DNAH5: variants seen among roughly 807,000 people sequenced by gnomAD.
DNAH5 encodes axonemal beta dynein heavy chain 5.
DNAH5 carries 372 observed loss-of-function variants against 518.2 expected under a neutral mutation model. That is an observed-to-expected ratio of 0.72 (90% CI 0.66 to 0.78). The LOEUF (loss-of-function observed/expected upper bound fraction) is 0.78, where lower values mean the gene tolerates loss of function less well. DNAH5 is among the 30% of genes least tolerant of loss of function. The probability of loss-of-function intolerance (pLI) is 0.00; values close to 1 mark genes in which losing one functional copy is unlikely to be tolerated. For synonymous variants in DNAH5, 2,039 were observed against 2,025.9 expected, an observed-to-expected ratio of 1.01 and a Z score of -0.17; for missense variants, 5,523 against 5,687.0, an observed-to-expected ratio of 0.97 and a Z score of 0.93.
chr5:13,847,903 G>A (rs2151877787), intron 31 of DNAH5, among the ~76,000 whole-genome samples: 1 of 152,244 alleles, frequency 6.6e-6, no homozygotes, highest in East Asian at 1.9e-4. Flanking sequence ...AACTGAACCT[G>A]CATGATGTCT....
At chr5:13,823,942 T>C (rs1762559860) in intron 39 of DNAH5, among the ~76,000 whole-genome samples, 1 of 152,172 alleles carries the variant, frequency 6.6e-6, no homozygotes, top group African/African-American at 2.4e-5. Flanking sequence ...TGATTCAAGG[T>C]ATTTGGCATC....
At chr5:13,704,257 G>C (rs1010617318) in intron 76 of DNAH5, among the ~76,000 whole-genome samples, 18 of 152,106 alleles carry the variant, frequency 1.2e-4, no homozygotes, top group Admixed American at 7.2e-4. Flanking sequence ...TTATTACTGG[G>C]GGTAGCAGGG....
chr5:13,877,158 G>A (rs560233840), intron 21 of DNAH5, among the ~76,000 whole-genome samples: 7 of 152,232 alleles, frequency 4.6e-5, no homozygotes, highest in African/African-American at 1.7e-4. Context: ...TATAACTGGA[G>A]GAAAAAAACC....
upstream of DNAH5, among the ~76,000 whole-genome samples, chr5:13,949,194 A>C (rs1216134185): frequency 6.6e-6 from 1 of 152,226 alleles, no homozygotes. Flanking sequence ...TGACTAAGGA[A>C]ATGTAAATAA....
At chr5:13,719,699 T>C (rs1384142465) in intron 71 of DNAH5, among the ~76,000 whole-genome samples, 2 of 152,118 alleles carry the variant, frequency 1.3e-5, no homozygotes, top group African/African-American at 4.8e-5. Context: ...ATTGAGGGAA[T>C]AGGTACCACA....
At chr5:13,985,332 ACGAGTTAATGGG>A (rs1561045293) in intron 1 of DNAH5, among the ~76,000 whole-genome samples, 2 of 151,346 alleles carry the variant, frequency 1.3e-5, no homozygotes, top group African/African-American at 2.4e-5. Flanking sequence ...AATGTAAATG[ACGAGTTAATGGG>A]TGCAGCACAC....
At chr5:13,762,041 C>T (rs144021511) in intron 60 of DNAH5, among the ~76,000 whole-genome samples, 1 of 152,272 alleles carries the variant, frequency 6.6e-6, no homozygotes, top group Non-Finnish European at 1.5e-5. Context: ...TCAACCAAGC[C>T]ATGAGATATG....
At chr5:13,893,168 C>T (rs1773491972) in intron 16 of DNAH5, among the ~76,000 whole-genome samples, 1 of 152,066 alleles carries the variant, frequency 6.6e-6, no homozygotes, top group African/African-American at 2.4e-5. Flanking sequence ...AAGCTCTTGA[C>T]AATTTACATT....
chr5:13,906,049 G>A (rs1336738406), intron 12 of DNAH5, among the ~76,000 whole-genome samples: 2 of 152,158 alleles, frequency 1.3e-5, no homozygotes, highest in African/African-American at 2.4e-5. Context: ...GTATGCTTCC[G>A]ACTAGATGGA....
intron 40 of DNAH5, among the ~76,000 whole-genome samples, chr5:13,822,023 C>A (rs1762298727): frequency 1.3e-5 from 2 of 152,030 alleles, no homozygotes; most frequent in African/African-American, 4.8e-5. Context: ...CTCAAGTAAT[C>A]CCCCAACGTT....
chr5:13,843,092 C>G (rs932376202), intron 32 of DNAH5, among the ~76,000 whole-genome samples: 6 of 152,148 alleles, frequency 3.9e-5, no homozygotes, highest in Admixed American at 3.3e-4. Flanking sequence ...TTCTTTCAAC[C>G]CACACATCCC....
At chr5:13,953,560 C>A (rs1214664337) in intron 1 of DNAH5, among the ~76,000 whole-genome samples, 1 of 152,108 alleles carries the variant, frequency 6.6e-6, no homozygotes, top group South Asian at 2.1e-4. Context: ...ACATAAAGAA[C>A]AAGATAAGGC....
At chr5:13,870,620 AG>A (rs1769947323) in intron 24 of DNAH5, 146 bp downstream of exon 24, 1 of 779,062 alleles carries the variant, frequency 1.3e-6, no homozygotes, top group Non-Finnish European at 2.1e-6. Flanking sequence ...GCAATGCTAT[AG>A]GGGTTCGGTA....
Position 13,793,941 on chromosome 5 carries a change from C to G in DNAH5, c.8005G>C (p.Asp2669His), listed in dbSNP as rs773280167. 6.2e-7 allele frequency: 1 copy of G among 1,613,902 alleles called. No homozygotes were observed. Among genetic ancestry groups the G allele is most frequent in the East Asian group, 2.2e-5 (1 of 44,866 alleles). The change falls in exon 48 of 79, where the codon GAT becomes CAT. Residue 2669 changes from aspartate (D) to histidine (H), a missense_variant. Physicochemically the swap from Asp to His is moderately conservative, Grantham distance 81. Coordinates refer to ENST00000265104, the MANE Select transcript of DNAH5 (RefSeq NM_001369.3). ...VNMPIINEWG[D>H]QVTNEIVRQL... ...GCACAATAGAATGATGATACCTGATCTCCCCACTCATTGATTATTGGCATA... is the reference window on the plus strand; with the variant it reads ...GCACAATAGAATGATGATACCTGATGTCCCCACTCATTGATTATTGGCATA...
chr5:13,712,613 C>T (rs1337294476), intron 75 of DNAH5, among the ~76,000 whole-genome samples: 3 of 152,030 alleles, frequency 2.0e-5, no homozygotes, highest in Non-Finnish European at 4.4e-5. Flanking sequence ...CGAACTCAAA[C>T]AAATCAGTAA....
chr5:13,977,009 G>A (rs1033060580), intron 1 of DNAH5, among the ~76,000 whole-genome samples: 1 of 152,064 alleles, frequency 6.6e-6, no homozygotes, highest in African/African-American at 2.4e-5. Flanking sequence ...AACCTTGAAC[G>A]GTGTGTCACT....
Position 13,690,562 on chromosome 5 carries a change from A to G in DNAH5, c.*1422T>C, listed in dbSNP as rs1362850809. 6.6e-6 allele frequency: 1 copy of G among 152,212 alleles called. No homozygotes were observed. Among genetic ancestry groups the G allele is most frequent in the Admixed American group, 6.5e-5 (1 of 15,278 alleles). The allele number at this position is 152,212 out of a possible 1,614,324, so 9.4% of individuals were successfully genotyped here. On this transcript the variant is annotated 3_prime_UTR_variant, in exon 79 of 79. Coordinates refer to ENST00000265104, the MANE Select transcript of DNAH5 (RefSeq NM_001369.3). ...AATAATGATCCTGGTCCACAGAATG[A>G]AGCCCAGTGAGAGGGACCCACACTT...
intron 51 of DNAH5, among the ~76,000 whole-genome samples, chr5:13,787,217 A>T (rs972500945): frequency 6.7e-6 from 1 of 150,152 alleles, no homozygotes; most frequent in African/African-American, 2.4e-5. Context: ...AAAAAAAAAA[A>T]GGATAATGCC....
At chr5:13,909,667 A>G (rs1489031666) in intron 12 of DNAH5, among the ~76,000 whole-genome samples, 1 of 152,164 alleles carries the variant, frequency 6.6e-6, no homozygotes, top group Non-Finnish European at 1.5e-5. Flanking sequence ...ATATAGTATC[A>G]GAGTAGTATT....
Sources: allele counts gnomAD v4.1 joint callset (sites outside exome capture counted in the v4.1 genomes callset), GRCh38; gene constraint gnomAD v4.1.1; transcripts MANE v1.5; gene names NCBI Gene and HGNC (gene_info 2026-07-23, HGNC 2026-07-21).